The following KCNQ1 variants were observed in gnomAD, a reference collection of about 807,000 sequenced individuals.
KCNQ1 encodes potassium voltage-gated channel subfamily Q member 1.
Under a neutral mutation model 72.4 loss-of-function variants are expected in KCNQ1, and 49 were observed. That is an observed-to-expected ratio of 0.68 (90% confidence interval 0.54 to 0.86). KCNQ1 has a LOEUF of 0.86. Among genes scored for constraint, KCNQ1 ranks in the 40% least tolerant of loss-of-function variants. The probability of loss-of-function intolerance (pLI) is 0.00; values close to 1 mark genes in which losing one functional copy is unlikely to be tolerated. For missense variants in KCNQ1, 790 were observed against 945.1 expected, an observed-to-expected ratio of 0.84 and a Z score of 2.15; for synonymous variants, 450 against 412.6, an observed-to-expected ratio of 1.09 and a Z score of -1.10.
intron 10 of KCNQ1, chr11:2,628,431 T>C: frequency 2.5e-6 from 1 of 398,514 alleles, no homozygotes; most frequent in Non-Finnish European, 4.4e-6. Context: ...CATCTGTATG[T>C]CTTCTTTGAA....
Position 2,559,150 on chromosome 11 carries a change from G to C in KCNQ1, c.478-11478G>C, listed in dbSNP as rs1848119967. ...AGGTTTTGCTCAAGGAGTGTCCCTT[G>C]AGCAAAATATTGCACTTTCGTTGCT... On this transcript the variant is annotated intron_variant, in intron 2 of 15. Transcript: ENST00000155840. This position sits in a 1 kb window ranked among gnomAD's most constrained non-coding sequence, Gnocchi z 4.9. 6.6e-6 allele frequency among the ~76,000 whole-genome samples: 1 copy of C among 151,976 alleles called. No homozygotes were observed. Among genetic ancestry groups the C allele is most frequent in the Non-Finnish European group, 1.5e-5 (1 of 67,972 alleles).
At chr11:2,779,467 G>A (rs575406843) in intron 15 of KCNQ1, among the ~76,000 whole-genome samples, 7 of 152,114 alleles carry the variant, frequency 4.6e-5, no homozygotes, top group Non-Finnish European at 7.4e-5. Flanking sequence ...CTTCCATCTC[G>A]GCTGCAGCCA....
rs904502152 is a variant in KCNQ1, at chr11:2,687,074, A to C, written c.1514+24993A>C. The stretch of plus-strand genomic sequence containing the variant: ...GGGACAAGGACCCACAAAGTGATGC[A>C]AGATATCCTGAGTTGGGTGTGACAA... On this transcript the variant is annotated intron_variant, in intron 11 of 15. Transcript: ENST00000155840. The surrounding 1 kb of genome is among the most constrained non-coding windows in gnomAD (Gnocchi z 5.0). 1.1e-4 allele frequency: 43 copies of C among 398,538 alleles called. 1 individual carries two copies. Among genetic ancestry groups the C allele is most frequent in the Non-Finnish European group, 1.8e-4 (41 of 226,088 alleles). 24.7% of individuals were successfully genotyped at this position (398,538 alleles called of 1,614,324 possible). A position where few individuals can be genotyped will look rare whatever the true frequency, so the allele number is the denominator to read the frequency against.
At chr11:2,465,367 C>T (rs1232403902) in intron 1 of KCNQ1, among the ~76,000 whole-genome samples, 1 of 152,154 alleles carries the variant, frequency 6.6e-6, no homozygotes, top group Non-Finnish European at 1.5e-5. Context: ...GTGCACTGTC[C>T]CCACAGCGGA....
intron 15 of KCNQ1, among the ~76,000 whole-genome samples, chr11:2,798,500 C>T (rs890590149): frequency 2.6e-5 from 4 of 151,164 alleles, no homozygotes; most frequent in East Asian, 3.9e-4. Flanking sequence ...CAGCAGCAGA[C>T]GTTTTTAAAC....
rs927774072 is a variant in KCNQ1 at position 2,497,839 on chromosome 11, G to A, written c.387-30089G>A. On this transcript the variant is annotated intron_variant, in intron 1 of 15. Transcript: ENST00000155840. The surrounding 1 kb of genome is among the most constrained non-coding windows in gnomAD (Gnocchi z 4.5). ...TTGCTCTTTGAGGCTGATGACCTTT[G>A]GATGGGGTTTTTGTGTGGGGGGTCC... Among the ~76,000 whole-genome samples the A allele has an allele frequency of 6.6e-6, 1 of 152,148 alleles. No homozygotes were observed. The highest frequency in any genetic ancestry group is 1.5e-5 in the Non-Finnish European group (1 of 68,018).
At chr11:2,760,702 A>G (rs1846379010) in intron 11 of KCNQ1, among the ~76,000 whole-genome samples, 1 of 152,174 alleles carries the variant, frequency 6.6e-6, no homozygotes, top group Non-Finnish European at 1.5e-5. Context: ...CAGTGAGCCC[A>G]AGGCCTCCGT....
chr11:2,517,444 C>T (rs147447948), intron 1 of KCNQ1, among the ~76,000 whole-genome samples: 45 of 152,246 alleles, frequency 3.0e-4, no homozygotes, highest in Admixed American at 9.2e-4. Flanking sequence ...ATTTGGGGCG[C>T]GTTCCCCAGG....
At chr11:2,660,176 GTTTTA>G (rs1849926430) in intron 10 of KCNQ1, 1 of 397,882 alleles carries the variant, frequency 2.5e-6, no homozygotes, top group Non-Finnish European at 4.4e-6. Flanking sequence ...ATGGTTTTAT[GTTTTA>G]TTTTAGATTT....
At chr11:2,524,193 C>T (rs763953801) in intron 1 of KCNQ1, among the ~76,000 whole-genome samples, 15 of 152,100 alleles carry the variant, frequency 9.9e-5, no homozygotes, top group Non-Finnish European at 1.6e-4. Context: ...CCAGGCTCGG[C>T]GACGGGAAAG....
chr11:2,807,650 G>A (rs1486264947), intron 15 of KCNQ1, among the ~76,000 whole-genome samples: 9 of 152,162 alleles, frequency 5.9e-5, no homozygotes, highest in East Asian at 1.9e-4. Context: ...GGGCACAGGC[G>A]GGCGAGGGGC....
intron 15 of KCNQ1, among the ~76,000 whole-genome samples, chr11:2,794,914 A>G (rs1847100488): frequency 6.6e-6 from 1 of 152,194 alleles, no homozygotes; most frequent in Non-Finnish European, 1.5e-5. Flanking sequence ...GTGGGGACCA[A>G]TGTACAGAGA....
chr11:2,686,776 T>C (rs1850496699), intron 11 of KCNQ1: 1 of 398,540 alleles, frequency 2.5e-6, no homozygotes, highest in Non-Finnish European at 4.4e-6. Context: ...TCCCCTGTGA[T>C]ACACTATGAT....
intron 1 of KCNQ1, among the ~76,000 whole-genome samples, chr11:2,511,918 G>A (rs561841472): frequency 4.0e-4 from 61 of 152,240 alleles, no homozygotes; most frequent in Non-Finnish European, 7.3e-4. Flanking sequence ...TTCCCTGGTG[G>A]AGGGCACAGG....
Position 2,473,542 on chromosome 11 carries a change from C to T in KCNQ1, c.386+28058C>T, listed in dbSNP as rs1460338090. Among the ~76,000 whole-genome samples, 2 of 152,188 alleles carry T rather than the reference C, an allele frequency of 1.3e-5. No homozygotes were observed. Among genetic ancestry groups the T allele is most frequent in the Non-Finnish European group, 2.9e-5 (2 of 68,032 alleles). On this transcript the variant is annotated intron_variant, in intron 1 of 15. Coordinates refer to ENST00000155840, the MANE Select transcript of KCNQ1 (RefSeq NM_000218.3). This position sits in a 1 kb window ranked among gnomAD's most constrained non-coding sequence, Gnocchi z 6.0. ...CCTGGTCCGTCGTTGAGTCCCCTGC[C>T]GTGGGACAGCGCTCAGCATGGCACA...
Position 2,601,217 on chromosome 11 carries a change from G to A in KCNQ1, c.1393+12363G>A, listed in dbSNP as rs1376565586. On this transcript the variant is annotated intron_variant, in intron 10 of 15. Transcript: ENST00000155840. This position sits in a 1 kb window ranked among gnomAD's most constrained non-coding sequence, Gnocchi z 5.2. Reference sequence around the variant, plus strand: ...AAGTACAGAAAGAAAAAAAAATACTGTCCAGTTGGAATGGTTACCTCATTG... The same window carrying A: ...AAGTACAGAAAGAAAAAAAAATACTATCCAGTTGGAATGGTTACCTCATTG... 6.6e-6 allele frequency among the ~76,000 whole-genome samples: 1 copy of A among 151,886 alleles called. No homozygotes were observed. Among genetic ancestry groups the A allele is most frequent in the Non-Finnish European group, 1.5e-5 (1 of 68,006 alleles).
chr11:2,687,294 G>C lies in KCNQ1; in HGVS notation c.1514+25213G>C. On this transcript the variant is annotated intron_variant, in intron 11 of 15. Transcript: ENST00000155840. The surrounding 1 kb of genome is among the most constrained non-coding windows in gnomAD (Gnocchi z 5.0). ...CTGGCCTCCCACCTTGCAGCTTTGA[G>C]ATCCCAGGCCTCTCAGGGCTCTGGC... The C allele has an allele frequency of 2.5e-6, 1 of 398,690 alleles. No homozygotes were observed. The highest frequency in any genetic ancestry group is 4.4e-6 in the Non-Finnish European group (1 of 226,114). 24.7% of individuals were successfully genotyped at this position (398,690 alleles called of 1,614,324 possible).
rs570378917 is a variant in KCNQ1 at position 2,746,607 on chromosome 11, G to T, written c.1515-22237G>T. Among the ~76,000 whole-genome samples the T allele has an allele frequency of 1.8e-4, 28 of 152,256 alleles. No individual in the cohort carries two copies. In the South Asian group the frequency reaches 5.4e-3, roughly 29 times the overall value. On this transcript the variant is annotated intron_variant, in intron 11 of 15. Transcript: ENST00000155840. The surrounding 1 kb of genome is among the most constrained non-coding windows in gnomAD (Gnocchi z 5.9). ...CCGTCTGCTGCTGTCCTCACGATTC[G>T]ACTGGGCTGTGGGTGTGAGGAGGGA...
chr11:2,540,194 A>G (rs1237529666), intron 2 of KCNQ1, among the ~76,000 whole-genome samples: 7 of 152,290 alleles, frequency 4.6e-5, no homozygotes, highest in South Asian at 4.1e-4. Flanking sequence ...GCTGGGCAGC[A>G]GCCTGGGGAG....
Sources: gnomAD v4.1 joint callset for allele counts (sites outside exome capture counted in the v4.1 genomes callset) on GRCh38, gnomAD v4.1.1 for gene constraint, Gnocchi (gnomAD v3.1) non-coding constraint, MANE v1.5 for transcripts, NCBI Gene and HGNC (gene_info 2026-07-23, HGNC 2026-07-21) for gene names.